Variants in AFP observed in about 807,000 individuals in gnomAD.
AFP encodes alpha fetoprotein.
Under a neutral mutation model 78.9 loss-of-function variants are expected in AFP, and 64 were observed. The ratio of observed to expected loss-of-function variants is 0.81; its 90% confidence interval spans 0.66 to 1.00. The LOEUF (loss-of-function observed/expected upper bound fraction) is 1.00, where lower values mean the gene tolerates loss of function less well. AFP is among the 50% of genes least tolerant of loss of function. The pLI, the probability that AFP is intolerant of heterozygous loss-of-function variation, is 0.00. For missense variants in AFP, 689 were observed against 703.8 expected, an observed-to-expected ratio of 0.98 and a Z score of 0.24; for synonymous variants, 254 against 243.8, an observed-to-expected ratio of 1.04 and a Z score of -0.39.
intron 6 of AFP, among the ~76,000 whole-genome samples, 192 bp from the exon 7 acceptor site, chr4:73,444,801 A>T (rs1212329884): frequency 6.6e-6 from 1 of 152,246 alleles, no homozygotes; most frequent in African/African-American, 2.4e-5. Flanking sequence ...GCCAGCTCAC[A>T]GTTTACAGAG....
rs1407538506 is a variant in AFP, at chr4:73,450,637, A to G, written c.1312A>G (p.Lys438Glu). ...CAGGTTTCTCGTTGCTTACACAAAG[A>G]AAGCCCCCCAGCTGACCTCGTCGGA... ...QNAFLVAYTKKAPQLTSSELM... is the reference protein window; with the variant it reads ...QNAFLVAYTKEAPQLTSSELM... The change falls in exon 11 of 15, where the codon AAA (lysine) becomes GAA (glutamate). Residue 438 changes from lysine (K) to glutamate (E), a missense_variant. Physicochemically the swap from Lys to Glu is moderately conservative, Grantham distance 56. Transcript: ENST00000395792. 1 of 1,614,174 alleles carries G rather than the reference A, an allele frequency of 6.2e-7. No individual in the cohort carries two copies. The highest frequency in any genetic ancestry group is 8.5e-7 in the Non-Finnish European group (1 of 1,180,014).
At chr4:73,455,317 A>T in intron 14 of AFP, 27 bp downstream of exon 14, 1 of 1,557,952 alleles carries the variant, frequency 6.4e-7, no homozygotes, top group Non-Finnish European at 8.9e-7. Flanking sequence ...ACAAGCCTGA[A>T]TACAATGTTG....
chr4:73,439,009 C>G (rs1379192756), intron 3 of AFP, among the ~76,000 whole-genome samples: 1 of 152,118 alleles, frequency 6.6e-6, no homozygotes, highest in Non-Finnish European at 1.5e-5. Context: ...GTCTTAGTAG[C>G]TTCATTACAC....
chr4:73,449,192 A>G, intron 8 of AFP, 143 bp from the exon 9 acceptor site: 1 of 783,864 alleles, frequency 1.3e-6, no homozygotes, highest in Non-Finnish European at 2.0e-6. Context: ...CATTCATATA[A>G]TTCAAATCAT....
At position 73,453,843 on chromosome 4, in the gene AFP, C is replaced by T; in HGVS notation, c.1731C>T (p.Gly577=). 1 of 1,613,754 alleles carries T rather than the reference C, an allele frequency of 6.2e-7. No individual in the cohort carries two copies. Residue 577 remains glycine (G), a synonymous_variant, in exon 13 of 15, where the codon GGC becomes GGT. Transcript: ENST00000395792. ...AGGCTGTCATTGCAGATTTCTCAGG[C>T]CTGTTGGAGAAATGCTGCCAAGGCC... The part of the protein sequence containing the change: ...QLEAVIADFS[G]LLEKCCQGQE...
Position 73,438,312 on chromosome 4 carries a change from T to A in AFP, c.270+6T>A. ...CAGGGTGTTTAGAAAACCAGGTGAGTGAATAATTTTAAAAAAGCATTGTGA... is the reference window on the plus strand; with the variant it reads ...CAGGGTGTTTAGAAAACCAGGTGAGAGAATAATTTTAAAAAAGCATTGTGA... On this transcript the variant is annotated splice_donor_region_variant and intron_variant, in intron 3 of 14. Coordinates refer to ENST00000395792, the MANE Select transcript of AFP (RefSeq NM_001134.3). The A allele has an allele frequency of 6.2e-7, 1 of 1,609,026 alleles. No individual in the cohort carries two copies. The highest frequency in any genetic ancestry group is 8.5e-7 in the Non-Finnish European group (1 of 1,176,848).
chr4:73,450,234 G>A (rs1719949646), intron 10 of AFP, 101 bp downstream of exon 10: 7 of 1,001,734 alleles, frequency 7.0e-6, no homozygotes, highest in Middle Eastern at 2.4e-4. Context: ...TGACCTGTGA[G>A]GTCTGATCTG....
At chr4:73,440,368 C>T (rs1199279293) in intron 3 of AFP, among the ~76,000 whole-genome samples, 9 of 152,036 alleles carry the variant, frequency 5.9e-5, no homozygotes, top group African/African-American at 2.2e-4. Flanking sequence ...GAAAGAGAAA[C>T]AAAAGATTGC....
intron 14 of AFP, 158 bp downstream of exon 14, chr4:73,455,448 A>G (rs750569233): frequency 1.5e-6 from 1 of 679,416 alleles, no homozygotes; most frequent in African/African-American, 1.8e-5. Context: ...AATTACGCAC[A>G]CAATGTTAAA....
intron 7 of AFP, 144 bp from the exon 8 acceptor site, chr4:73,447,318 C>G (rs1040453549): frequency 1.1e-4 from 43 of 396,776 alleles, no homozygotes; most frequent in Non-Finnish European, 9.2e-5. Context: ...TTCCCTTTCC[C>G]CTTCCTTCTT....
chr4:73,440,095 G>A (rs1031281340), intron 3 of AFP, among the ~76,000 whole-genome samples: 9 of 152,004 alleles, frequency 5.9e-5, no homozygotes, highest in African/African-American at 1.9e-4. Flanking sequence ...CGGGCAGGAT[G>A]AGCAGGTCTG....
intron 6 of AFP, among the ~76,000 whole-genome samples, chr4:73,444,144 G>GTAA (rs1381889897): frequency 6.6e-6 from 1 of 152,186 alleles, no homozygotes; most frequent in African/African-American, 2.4e-5. Context: ...GAAGTTTTTA[G>GTAA]TAATAGAATT....
Position 73,452,481 on chromosome 4 carries a change from T to C in AFP, c.1509T>C (p.Ser503=), listed in dbSNP as rs1315930377. Residue 503 remains serine, a synonymous_variant, in exon 12 of 15, where the codon TCT becomes TCC. Coordinates refer to ENST00000395792, the MANE Select transcript of AFP (RefSeq NM_001134.3). ...CTGGTGTTGGCCAGTGCTGCACTTC[T>C]TCATATGCCAACAGGAGGCCATGCT... ...VNPGVGQCCT[S]SYANRRPCFS... is the part of the protein sequence containing the mutation. 6.2e-7 allele frequency: 1 copy of C among 1,614,168 alleles called. No homozygotes were observed. Among genetic ancestry groups the C allele is most frequent in the African/African-American group, 1.3e-5 (1 of 75,052 alleles).
At position 73,437,222 on chromosome 4, in the gene AFP, C is replaced by T. The variant is rs182293428; in HGVS notation, c.137+11C>T. ...AAGTTTAGCTGACCTGTAAGTTTTG[C>T]TTATATAAATGTACTTTAAATGTGT... is the stretch of plus-strand genomic sequence containing the variant. On this transcript the variant is annotated intron_variant, in intron 2 of 14. Coordinates refer to ENST00000395792, the MANE Select transcript of AFP (RefSeq NM_001134.3). 4.4e-6 allele frequency: 7 copies of T among 1,598,906 alleles called. No individual in the cohort carries two copies. The East Asian group carries it at 1.3e-4, about 31-fold the overall frequency.
chr4:73,450,899 G>A, intron 11 of AFP, 146 bp downstream of exon 11: 1 of 1,352,646 alleles, frequency 7.4e-7, no homozygotes, highest in Non-Finnish European at 1.0e-6. Flanking sequence ...TTGGAGGGGT[G>A]TGAGAACCCA....
intron 12 of AFP, chr4:73,453,419 G>A (rs944649510): frequency 3.7e-6 from 1 of 268,992 alleles, no homozygotes; most frequent in African/African-American, 2.2e-5. Context: ...GGCAGGATTC[G>A]GAGATCTGGG....
chr4:73,450,085 G>A lies in AFP; in HGVS notation c.1241G>A (p.Arg414Gln), dbSNP rs764805129. The A allele has an allele frequency of 3.7e-6, 6 of 1,613,700 alleles. No homozygotes were observed. The highest frequency in any genetic ancestry group is 1.6e-4 in the Middle Eastern group (1 of 6,080). ...YIQESQALAKRSCGLFQKLGE... is the reference protein window; with the variant it reads ...YIQESQALAKQSCGLFQKLGE... ...CAGGAGAGCCAAGCATTGGCAAAGC[G>A]AAGCTGCGGCCTCTTCCAGAAACTA... The change falls in exon 10 of 15, where the codon CGA becomes CAA. Residue 414 changes from arginine (R) to glutamine (Q), a missense_variant. Physicochemically the swap from Arg to Gln is conservative, Grantham distance 43. Coordinates refer to ENST00000395792, the MANE Select transcript of AFP (RefSeq NM_001134.3).
Position 73,450,656 on chromosome 4 carries a change from C to T in AFP, c.1331C>T (p.Ser444Leu), listed in dbSNP as rs374243731. 2 of 1,614,186 alleles carry T rather than the reference C, an allele frequency of 1.2e-6. No homozygotes were observed. The highest frequency in any genetic ancestry group is 1.3e-5 in the African/African-American group (1 of 75,056). ...AYTKKAPQLT[S>L]SELMAITRKM... ...ACAAAGAAAGCCCCCCAGCTGACCT[C>T]GTCGGAGCTGATGGCCATCACCAGA... Residue 444 changes from serine to leucine, a missense_variant, in exon 11 of 15, where the codon TCG (serine) becomes TTG (leucine). Physicochemically the swap from Ser to Leu is moderately radical, Grantham distance 145 (BLOSUM62 -2). Transcript: ENST00000395792.
chr4:73,446,922 G>A (rs1719846623), intron 7 of AFP, among the ~76,000 whole-genome samples: 3 of 152,128 alleles, frequency 2.0e-5, no homozygotes, highest in African/African-American at 4.8e-5. Context: ...GCAAAAGTGG[G>A]GAGAAAGCAC....
Sources: gnomAD v4.1 joint callset for allele counts (sites outside exome capture counted in the v4.1 genomes callset) on GRCh38, gnomAD v4.1.1 for gene constraint, MANE v1.5 for transcripts, NCBI Gene and HGNC (gene_info 2026-07-23, HGNC 2026-07-21) for gene names.